The following SLC7A11 variants were observed in gnomAD, a reference collection of about 807,000 sequenced individuals.
SLC7A11 encodes the protein cystine/glutamate transporter.
Under a neutral mutation model 54.5 loss-of-function variants are expected in SLC7A11, and 35 were observed. The ratio of observed to expected loss-of-function variants is 0.64; its 90% CI spans 0.49 to 0.85. The LOEUF (loss-of-function observed/expected upper bound fraction) is 0.85, where lower values mean the gene tolerates loss of function less well. Ranked by LOEUF, SLC7A11 falls within the 40% of genes least tolerant of loss-of-function variation. SLC7A11 has a pLI of 0.00. For synonymous variants in SLC7A11, 230 were observed against 225.2 expected (o/e 1.02, Z -0.19); for missense variants, 583 against 618.1 (o/e 0.94, Z 0.60).
intron 10 of SLC7A11, 134 bp downstream of exon 10, chr4:138,180,507 C>A (rs1736710647): frequency 2.5e-6 from 2 of 798,836 alleles, no homozygotes; most frequent in African/African-American, 1.8e-5. Flanking sequence ...GAAAGCACTG[C>A]CTGCAAGAGT....
intron 6 of SLC7A11, among the ~76,000 whole-genome samples, chr4:138,210,499 A>G (rs954214471): frequency 6.6e-6 from 1 of 152,174 alleles, no homozygotes; most frequent in African/African-American, 2.4e-5. Context: ...TATGTATCTG[A>G]CAAAAGTTTA....
chr4:138,241,755 C>T (rs1357476128), intron 1 of SLC7A11, 38 bp downstream of exon 1: 9 of 1,503,574 alleles, frequency 6.0e-6, no homozygotes, highest in Non-Finnish European at 8.3e-6. Flanking sequence ...TTTCCAGCCC[C>T]ACAGCCACGC....
rs1423197991 is a variant in SLC7A11, at chr4:138,171,071, T to C, written c.*885A>G. The C allele has an allele frequency of 1.3e-5, 2 of 152,306 alleles. No individual in the cohort carries two copies. The highest frequency in any genetic ancestry group is 6.5e-5 in the Admixed American group (1 of 15,306). 9.4% of individuals were successfully genotyped at this position (152,306 alleles called of 1,614,324 possible). ...TTGGTGATTTCTCTCATGTTGATAA[T>C]GTAATTTGAAGGCTTAAAATGCATA... On this transcript the variant is annotated 3_prime_UTR_variant, in exon 12 of 12. Transcript: ENST00000280612.
chr4:138,173,549 A>G (rs1050331392), intron 11 of SLC7A11, among the ~76,000 whole-genome samples: 8 of 151,622 alleles, frequency 5.3e-5, no homozygotes, highest in African/African-American at 4.8e-5. Context: ...CAGGAGAATC[A>G]CTTGAACCCA....
chr4:138,227,296 T>C (rs1737968087), intron 3 of SLC7A11, among the ~76,000 whole-genome samples: 1 of 152,216 alleles, frequency 6.6e-6, no homozygotes, highest in East Asian at 1.9e-4. Flanking sequence ...GTTTCACTGC[T>C]GTTTTGTAAT....
At chr4:138,183,106 T>A (rs1016717378) in intron 8 of SLC7A11, 96 bp downstream of exon 8, 1 of 825,036 alleles carries the variant, frequency 1.2e-6, no homozygotes, top group Non-Finnish European at 2.0e-6. Flanking sequence ...AAACAACAGG[T>A]TTGGAGGCAC....
chr4:138,236,677 C>T (rs1235316324), intron 1 of SLC7A11, among the ~76,000 whole-genome samples: 1 of 152,026 alleles, frequency 6.6e-6, no homozygotes, highest in African/African-American at 2.4e-5. Flanking sequence ...TATTTGAACA[C>T]TATAATTTTA....
At chr4:138,215,813 A>G (rs1737666826) in intron 5 of SLC7A11, among the ~76,000 whole-genome samples, 1 of 152,004 alleles carries the variant, frequency 6.6e-6, no homozygotes, top group Non-Finnish European at 1.5e-5. Flanking sequence ...AAAATCACAC[A>G]CCCCAAGAAA....
chr4:138,237,729 ATATATATATTTTTTTTTTTTTTTTTTTT>A (rs1465591321), intron 1 of SLC7A11, among the ~76,000 whole-genome samples: 1 of 10,318 alleles, frequency 9.7e-5, no homozygotes, highest in Non-Finnish European at 1.7e-4. Context: ...ATATATATAT[ATATATATATTTTTTTTTTTTTTTTTTTT>A]TTTTTTTTTT....
chr4:138,204,224 A>G (rs1737354475), intron 6 of SLC7A11, among the ~76,000 whole-genome samples: 1 of 152,092 alleles, frequency 6.6e-6, no homozygotes, highest in Non-Finnish European at 1.5e-5. Flanking sequence ...ATGGATTGCA[A>G]TTCTGGTCTT....
rs559757158 is a variant in SLC7A11, at chr4:138,206,618, C to T, written c.791+7967G>A. On this transcript the variant is annotated intron_variant, in intron 6 of 11. Transcript: ENST00000280612. ...GATTAATATCTGTCTTCTTTGATTA[C>T]CCCATGATAAAATATTATAATATAA... Among the ~76,000 whole-genome samples, 8 of 151,892 alleles carry T rather than the reference C, an allele frequency of 5.3e-5. No homozygotes were observed. In the South Asian group the frequency reaches 1.7e-3, roughly 32 times the overall value.
At chr4:138,206,819 G>A (rs1578652972) in intron 6 of SLC7A11, among the ~76,000 whole-genome samples, 1 of 151,826 alleles carries the variant, frequency 6.6e-6, no homozygotes, top group Non-Finnish European at 1.5e-5. Context: ...CAAAAGCAAG[G>A]AAGAGCAATT....
chr4:138,239,206 T>C lies in SLC7A11; in HGVS notation c.277+2587A>G, dbSNP rs191926590. Among the ~76,000 whole-genome samples the C allele has an allele frequency of 1.9e-3, 283 of 152,292 alleles. 1 individual carries two copies. Among genetic ancestry groups the C allele is most frequent in the African/African-American group, 6.3e-3 (262 of 41,554 alleles). On this transcript the variant is annotated intron_variant, in intron 1 of 11. Transcript: ENST00000280612. ...AGAGTCTTAAGTACCTCAGAATTTA[T>C]TGTCAGAGAATCAATACCTAGACCT...
At chr4:138,205,767 T>A (rs1036487235) in intron 6 of SLC7A11, among the ~76,000 whole-genome samples, 3 of 151,944 alleles carry the variant, frequency 2.0e-5, no homozygotes, top group Non-Finnish European at 4.4e-5. Flanking sequence ...GAATGAGGGG[T>A]GCTATGTAAG....
intron 8 of SLC7A11, 81 bp from the exon 9 acceptor site, chr4:138,182,474 G>A (rs1003203466): frequency 1.2e-5 from 10 of 833,522 alleles, no homozygotes; most frequent in East Asian, 2.5e-5. Flanking sequence ...CAGAGAAAAC[G>A]TGCATCTTTT....
At chr4:138,224,736 T>TGAA (rs1391522781) in intron 3 of SLC7A11, among the ~76,000 whole-genome samples, 1 of 149,976 alleles carries the variant, frequency 6.7e-6, no homozygotes, top group Non-Finnish European at 1.5e-5. Flanking sequence ...TCATGATATA[T>TGAA]TACTGATCAA....
chr4:138,232,425 A>C, intron 2 of SLC7A11, 43 bp from the exon 3 acceptor site: 1 of 1,100,406 alleles, frequency 9.1e-7, no homozygotes, highest in Non-Finnish European at 1.4e-6. Flanking sequence ...CAGGGGAAAA[A>C]ACTGCATTTT....
At chr4:138,192,585 CT>C (rs34057129) in intron 6 of SLC7A11, among the ~76,000 whole-genome samples, 1 of 151,736 alleles carries the variant, frequency 6.6e-6, no homozygotes, top group Non-Finnish European at 1.5e-5. Context: ...TATATCAAGA[CT>C]TTTTTGTAGC....
chr4:138,209,826 A>G (rs1737504818), intron 6 of SLC7A11, among the ~76,000 whole-genome samples: 1 of 152,086 alleles, frequency 6.6e-6, no homozygotes. Context: ...GCCCAAAGCA[A>G]TATACAGGTT....
Sources: gnomAD v4.1 joint callset for allele counts (sites outside exome capture counted in the v4.1 genomes callset) on GRCh38, gnomAD v4.1.1 for gene constraint, MANE v1.5 for transcripts, NCBI Gene and HGNC (gene_info 2026-07-23, HGNC 2026-07-21) for gene names.